Variants in SCOC observed in about 807,000 individuals in gnomAD.
SCOC encodes short coiled-coil protein, also known as short coiled coil protein.
In SCOC, 7 loss-of-function variants were observed where a neutral mutation model predicts 9.9. The ratio of observed to expected loss-of-function variants is 0.71; its 90% CI spans 0.40 to 1.33. SCOC has a LOEUF of 1.33. SCOC is among the 40% of genes most tolerant of loss of function. The pLI, the probability that SCOC is intolerant of heterozygous loss-of-function variation, is 0.01. For synonymous variants in SCOC, 19 were observed against 28.2 expected, an observed-to-expected ratio of 0.67 and a Z score of 1.03; for missense variants, 66 against 89.7, an observed-to-expected ratio of 0.74 and a Z score of 1.07.
intron 1 of SCOC, among the ~76,000 whole-genome samples, chr4:140,259,993 G>C (rs1003637605): frequency 6.6e-6 from 1 of 152,050 alleles, no homozygotes; most frequent in Non-Finnish European, 1.5e-5. Flanking sequence ...CCCATTCCTT[G>C]AGGTTGGGTC....
intron 2 of SCOC, among the ~76,000 whole-genome samples, chr4:140,362,273 C>CTGTTCTTCTTCTTCTTCTTCTTTTCTT: frequency 6.9e-5 from 2 of 29,076 alleles, no homozygotes; most frequent in African/African-American, 1.2e-4. Context: ...ACAGGTGTGT[C>CTGTTCTTCTTCTTCTTCTTCTTTTCTT]CTTACTTCTT....
chr4:140,358,089 C>A (rs1438741608), intron 2 of SCOC, among the ~76,000 whole-genome samples: 4 of 152,180 alleles, frequency 2.6e-5, no homozygotes, highest in Non-Finnish European at 4.4e-5. Flanking sequence ...CCTTTGCACT[C>A]CACTCTTCTG....
intron 2 of SCOC, among the ~76,000 whole-genome samples, chr4:140,362,269 G>A (rs1256104304): frequency 5.2e-5 from 2 of 38,646 alleles, no homozygotes; most frequent in Non-Finnish European, 1.1e-4. Context: ...AAAGACAGGT[G>A]TGTCCTTACT....
chr4:140,332,242 G>A (rs2874445), intron 1 of SCOC, among the ~76,000 whole-genome samples: 18 of 151,788 alleles, frequency 1.2e-4, no homozygotes, highest in African/African-American at 4.1e-4. Flanking sequence ...CATCTCATAC[G>A]AGACATGCCT....
At chr4:140,353,898 C>A (rs1317547768) in intron 2 of SCOC, among the ~76,000 whole-genome samples, 1 of 152,120 alleles carries the variant, frequency 6.6e-6, no homozygotes, top group Non-Finnish European at 1.5e-5. Flanking sequence ...CCCATTTAAT[C>A]ATTGTTCCCT....
At chr4:140,346,409 G>A (rs958474953) in intron 2 of SCOC, among the ~76,000 whole-genome samples, 2 of 152,012 alleles carry the variant, frequency 1.3e-5, no homozygotes, top group Admixed American at 6.6e-5. Context: ...TCGAGTCCCC[G>A]GCACTGATCC....
chr4:140,282,358 A>T (rs2126417610), intron 1 of SCOC, among the ~76,000 whole-genome samples: 1 of 152,302 alleles, frequency 6.6e-6, no homozygotes, highest in East Asian at 1.9e-4. Context: ...ATGAATTGCT[A>T]ACATGAATGT....
chr4:140,373,334 C>G, upstream of SCOC: 3 of 1,414,556 alleles, frequency 2.1e-6, no homozygotes, highest in Non-Finnish European at 1.8e-6. Flanking sequence ...GATTCTCACT[C>G]CAATTCTCAG....
At chr4:140,298,272 T>C (rs1193352498) in intron 1 of SCOC, among the ~76,000 whole-genome samples, 1 of 152,236 alleles carries the variant, frequency 6.6e-6, no homozygotes, top group Non-Finnish European at 1.5e-5. Context: ...AGGACTCTCC[T>C]GGGCACAAAG....
intron 2 of SCOC, among the ~76,000 whole-genome samples, chr4:140,345,627 T>C (rs1444424810): frequency 2.0e-5 from 3 of 152,194 alleles, no homozygotes; most frequent in African/African-American, 4.8e-5. Flanking sequence ...GTGGAATCCT[T>C]GCAAAAGTAA....
At chr4:140,355,211 TTA>T (rs34322076) in intron 2 of SCOC, among the ~76,000 whole-genome samples, 82 of 61,384 alleles carry the variant, frequency 1.3e-3, no homozygotes, top group Non-Finnish European at 1.6e-3. Context: ...CATTATATTT[TTA>T]TATATATATA....
In SCOC at chr4:140,383,296, C is replaced by G. The variant is rs1728624329; in HGVS notation, c.*2192C>G. The G allele has an allele frequency of 6.6e-6, 1 of 152,220 alleles. No homozygotes were observed. The highest frequency in any genetic ancestry group is 6.5e-5 in the Admixed American group (1 of 15,272). The allele number at this position is 152,220 out of a possible 1,614,324, so 9.4% of individuals were successfully genotyped here. A position where few individuals can be genotyped will look rare whatever the true frequency, so the allele number is the denominator to read the frequency against. On this transcript the variant is annotated 3_prime_UTR_variant, in exon 4 of 4. Transcript: ENST00000608372. ...TTCATCCAGCTAGTGATTCAGCTCA[C>G]AATCTAGGATCTCTATTAAAGGTCC...
chr4:140,291,162 G>T (rs1349301403), intron 1 of SCOC, among the ~76,000 whole-genome samples: 1 of 152,118 alleles, frequency 6.6e-6, no homozygotes, highest in Non-Finnish European at 1.5e-5. Flanking sequence ...CTTGCTCCTG[G>T]GCTTTCTGAA....
At chr4:140,304,301 G>C (rs899689406) in intron 1 of SCOC, among the ~76,000 whole-genome samples, 1 of 152,136 alleles carries the variant, frequency 6.6e-6, no homozygotes, top group Non-Finnish European at 1.5e-5. Flanking sequence ...GGGAGTGGGA[G>C]GGTGAGGTAG....
intron 1 of SCOC, among the ~76,000 whole-genome samples, chr4:140,318,007 G>T (rs927144991): frequency 1.3e-5 from 2 of 151,328 alleles, no homozygotes; most frequent in Admixed American, 6.6e-5. Flanking sequence ...TTTCATCCAT[G>T]TCCCTACAAA....
At position 140,362,273 on chromosome 4, in the gene SCOC, C is replaced by CTGTTCCTTCTT; in HGVS notation, c.71-16848_71-16847insTGTTCCTTCTT. 6.9e-5 allele frequency among the ~76,000 whole-genome samples: 2 copies of CTGTTCCTTCTT among 29,074 alleles called. 1 individual carries two copies. The highest frequency in any genetic ancestry group is 1.5e-4 in the Non-Finnish European group (2 of 13,232). The allele number at this position is 29,074 out of a possible 152,430, so 19.1% of individuals were successfully genotyped here. On this transcript the variant is annotated intron_variant, in intron 2 of 4. Coordinates refer to the SCOC transcript ENST00000338517. Reference sequence around the variant, plus strand: ...AAAGACCGGCTAAAGACAGGTGTGTCCTTACTTCTTCTTCTTCTTCTTCTT... The same window carrying CTGTTCCTTCTT: ...AAAGACCGGCTAAAGACAGGTGTGTCTGTTCCTTCTTCTTACTTCTTCTTCTTCTTCTTCTT...
At chr4:140,379,988 A>C (rs1262582859) in intron 3 of SCOC, among the ~76,000 whole-genome samples, 1 of 152,156 alleles carries the variant, frequency 6.6e-6, no homozygotes, top group Non-Finnish European at 1.5e-5. Flanking sequence ...GAGATTAAAA[A>C]GGAATTCATC....
intron 1 of SCOC, among the ~76,000 whole-genome samples, chr4:140,268,703 C>T (rs1160349133): frequency 1.3e-5 from 2 of 152,140 alleles, no homozygotes; most frequent in East Asian, 3.9e-4. Context: ...GAGAAGGCGT[C>T]ATTCAGACTG....
chr4:140,262,583 T>C (rs972086264), intron 1 of SCOC, among the ~76,000 whole-genome samples: 1 of 152,106 alleles, frequency 6.6e-6, no homozygotes, highest in Admixed American at 6.5e-5. Flanking sequence ...GCTCCTTGAA[T>C]AGGAGCAGAG....
Sources: allele counts gnomAD v4.1 joint callset (sites outside exome capture counted in the v4.1 genomes callset), GRCh38; gene constraint gnomAD v4.1.1; transcripts MANE v1.5; gene names NCBI Gene and HGNC (gene_info 2026-07-23, HGNC 2026-07-21).